ABCB8: variants seen among roughly 807,000 people sequenced by gnomAD.
The protein encoded by ABCB8 is ATP binding cassette subfamily B member 8.
ABCB8 carries 52 observed loss-of-function variants against 73.0 expected under a neutral mutation model. The observed-to-expected ratio is 0.71, with a 90% CI of 0.57 to 0.90. The LOEUF is 0.90. Ranked by LOEUF, ABCB8 falls within the 40% of genes least tolerant of loss-of-function variation. The probability of loss-of-function intolerance (pLI) is 0.00; values close to 1 mark genes in which losing one functional copy is unlikely to be tolerated. For synonymous variants in ABCB8, 428 were observed against 423.5 expected, an observed-to-expected ratio of 1.01 and a Z score of -0.13; for missense variants, 909 against 974.6, an observed-to-expected ratio of 0.93 and a Z score of 0.90.
rs566548745 is a variant in ABCB8, at chr7:151,031,972, A to G, written c.96-1633A>G. Reference sequence around the variant, plus strand: ...GGCACATCTCGGCCTAAAAATCACCATGACCCTTATTGCCCCCCAAGTCCA... The same window carrying G: ...GGCACATCTCGGCCTAAAAATCACCGTGACCCTTATTGCCCCCCAAGTCCA... On this transcript the variant is annotated intron_variant, in intron 1 of 15. Transcript: ENST00000358849. Among the ~76,000 whole-genome samples, 12 of 152,290 alleles carry G rather than the reference A, an allele frequency of 7.9e-5. No individual in the cohort carries two copies. The East Asian group carries it at 2.3e-3, about 29-fold the overall frequency.
intron 1 of ABCB8, among the ~76,000 whole-genome samples, chr7:151,032,688 T>C (rs1007540273): frequency 2.0e-5 from 3 of 147,988 alleles, no homozygotes; most frequent in African/African-American, 7.7e-5. Context: ...AGCGAGACTC[T>C]GTCTCAAAAA....
rs779810888 is a variant in ABCB8 at position 151,035,811 on chromosome 7, T to G, written c.927+69T>G. 3 of 1,609,906 alleles carry G rather than the reference T, an allele frequency of 1.9e-6. No individual in the cohort carries two copies. In the African/African-American group the frequency reaches 4.0e-5, roughly 21 times the overall value. On this transcript the variant is annotated intron_variant, in intron 6 of 15. Coordinates refer to ENST00000358849, the MANE Select transcript of ABCB8 (RefSeq NM_007188.5). ...TTCTCTTTCCACTCCCCGGAACTCC[T>G]CCCTGTCCCCATCCTGGACTCCTTG...
At chr7:151,044,536 G>A (rs1430145355) in intron 15 of ABCB8, among the ~76,000 whole-genome samples, 1 of 152,230 alleles carries the variant, frequency 6.6e-6, no homozygotes, top group Admixed American at 6.5e-5. Flanking sequence ...AGGATCTCTT[G>A]AGGCTAGCCT....
At chr7:151,044,779 T>C (rs964807787) in intron 15 of ABCB8, among the ~76,000 whole-genome samples, 17 of 152,150 alleles carry the variant, frequency 1.1e-4, no homozygotes, top group African/African-American at 3.6e-4. Flanking sequence ...AGTATGGTGC[T>C]GGGAGCAAGG....
intron 1 of ABCB8, chr7:151,032,786 A>G (rs1290305948): frequency 3.1e-6 from 1 of 324,808 alleles, no homozygotes; most frequent in Non-Finnish European, 6.2e-6. Context: ...TAATTGTCCT[A>G]TTCAAGATGA....
intron 1 of ABCB8, among the ~76,000 whole-genome samples, chr7:151,030,626 C>T (rs1255888523): frequency 2.7e-5 from 4 of 150,110 alleles, no homozygotes; most frequent in African/African-American, 9.8e-5. Flanking sequence ...AAGACCAGCC[C>T]GGCCAACATG....
In ABCB8 at chr7:151,031,489, A is replaced by T. The variant is rs1796161216; in HGVS notation, c.96-2116A>T. 4 of 609,744 alleles carry T rather than the reference A, an allele frequency of 6.6e-6. No individual in the cohort carries two copies. The South Asian group carries it at 1.2e-4, about 19-fold the overall frequency. 37.8% of individuals were successfully genotyped at this position (609,744 alleles called of 1,614,324 possible). On this transcript the variant is annotated intron_variant, in intron 1 of 15. Transcript: ENST00000358849. ...GAAAGGCCATGATGGTAAAGAGAAA[A>T]GCTCACACTACTCTTTTTTTAAACC...
intron 1 of ABCB8, chr7:151,031,227 T>C: frequency 6.8e-7 from 1 of 1,479,550 alleles, no homozygotes; most frequent in Non-Finnish European, 9.2e-7. Context: ...AAGATATAAT[T>C]TCCTGCCTTT....
In ABCB8 at chr7:151,034,773, C is replaced by T. The variant is rs767077016; in HGVS notation, c.709C>T (p.Arg237Cys). 7 of 1,614,098 alleles carry T rather than the reference C, an allele frequency of 4.3e-6. No individual in the cohort carries two copies. Among genetic ancestry groups the T allele is most frequent in the Admixed American group, 1.7e-5 (1 of 60,018 alleles). ...DANKTGQLVS[R>C]LTTDVQEFKS... is the part of the protein sequence containing the mutation. The stretch of plus-strand genomic sequence containing the variant: ...CAATAAGACAGGGCAGCTGGTGAGC[C>T]GCTTGACAACTGACGTGCAGGAGTT... The change falls in exon 5 of 16, where the codon CGC (arginine) becomes TGC (cysteine). Residue 237 changes from arginine to cysteine, a missense_variant. By Grantham distance (180) the Arg-to-Cys change is radical. Coordinates refer to ENST00000358849, the MANE Select transcript of ABCB8 (RefSeq NM_007188.5).
rs566019753 is a variant in ABCB8, at chr7:151,037,265, G to A, written c.1217+616G>A. The A allele has an allele frequency of 1.4e-4, 99 of 703,000 alleles. 1 individual carries two copies. The highest frequency in any genetic ancestry group is 9.2e-4 in the Middle Eastern group (4 of 4,366). The allele number at this position is 703,000 out of a possible 1,614,324, so 43.5% of individuals were successfully genotyped here. ...GCTTCCTCCGTGTTGCACCCTGTCC[G>A]AATTCCCTTCCGCTGCAGGCTGTGA... is the stretch of plus-strand genomic sequence containing the variant. On this transcript the variant is annotated intron_variant, in intron 9 of 15. Transcript: ENST00000358849.
At chr7:151,044,626 C>G (rs976905466) in intron 15 of ABCB8, among the ~76,000 whole-genome samples, 7 of 152,192 alleles carry the variant, frequency 4.6e-5, no homozygotes, top group Non-Finnish European at 1.0e-4. Context: ...CACCTGTACT[C>G]CCAGCTACTC....
At chr7:151,036,731 C>A in intron 9 of ABCB8, 82 bp downstream of exon 9, 1 of 1,238,658 alleles carries the variant, frequency 8.1e-7, no homozygotes, top group Non-Finnish European at 1.2e-6. Flanking sequence ...CGGGTGCCAG[C>A]CTTCTCTGGG....
chr7:151,044,047 G>A lies in ABCB8; in HGVS notation c.1842G>A (p.Thr614=), dbSNP rs144112099. 26 of 1,613,446 alleles carry A rather than the reference G, an allele frequency of 1.6e-5. No homozygotes were observed. Among genetic ancestry groups the A allele is most frequent in the East Asian group, 2.2e-5 (1 of 44,874 alleles). ...AIARALIKQP[T]VLILDEATSA... is the part of the protein sequence containing the mutation. ...CCCGAGCCCTTATCAAGCAGCCCAC[G>A]GTGCTGATACTGGATGAAGCTACCA... The change falls in exon 15 of 16, where the codon ACG becomes ACA. Residue 614 remains threonine, a synonymous_variant. Coordinates refer to ENST00000358849, the MANE Select transcript of ABCB8 (RefSeq NM_007188.5).
At position 151,034,837 on chromosome 7, in the gene ABCB8, G is replaced by A. The variant is rs781329280; in HGVS notation, c.765+8G>A. Reference sequence around the variant, plus strand: ...AAGCTTGTCATCTCCCAGGTCAGTGGCCCAGTGGCCCCCACCACGTCCACA... The same window carrying A: ...AAGCTTGTCATCTCCCAGGTCAGTGACCCAGTGGCCCCCACCACGTCCACA... On this transcript the variant is annotated splice_region_variant and intron_variant, in intron 5 of 15. Coordinates refer to ENST00000358849, the MANE Select transcript of ABCB8 (RefSeq NM_007188.5). 3 of 1,608,028 alleles carry A rather than the reference G, an allele frequency of 1.9e-6. No homozygotes were observed. In the South Asian group the frequency reaches 3.3e-5, roughly 18 times the overall value.
rs779562272 is a variant in ABCB8, at chr7:151,035,784, GT to G, written c.927+45del. 5 of 1,610,272 alleles carry G rather than the reference GT, an allele frequency of 3.1e-6. No homozygotes were observed. The Admixed American group carries it at 5.0e-5, about 16-fold the overall frequency. Reference sequence around the variant, plus strand: ...CCATCCTCTTCACCCTCCCCACACCGTTTCTCTTTCCACTCCCCGGAACTCC... The same window carrying G: ...CCATCCTCTTCACCCTCCCCACACCGTTCTCTTTCCACTCCCCGGAACTCC... On this transcript the variant is annotated intron_variant, in intron 6 of 15. Coordinates refer to ENST00000358849, the MANE Select transcript of ABCB8 (RefSeq NM_007188.5).
At chr7:151,043,156 C>G (rs1045696176) in intron 14 of ABCB8, among the ~76,000 whole-genome samples, 1 of 152,196 alleles carries the variant, frequency 6.6e-6, no homozygotes, top group South Asian at 2.1e-4. Context: ...CACAGAGACC[C>G]GGGAGGCTGG....
chr7:151,034,846 C>T lies in ABCB8; in HGVS notation c.765+17C>T. On this transcript the variant is annotated intron_variant, in intron 5 of 15. Transcript: ENST00000358849. ...ATCTCCCAGGTCAGTGGCCCAGTGG[C>T]CCCCACCACGTCCACACACACACTT... is the stretch of plus-strand genomic sequence containing the variant. The T allele has an allele frequency of 6.3e-7, 1 of 1,597,410 alleles. No homozygotes were observed.
chr7:151,032,060 G>T (rs1443196139), intron 1 of ABCB8, among the ~76,000 whole-genome samples: 3 of 152,060 alleles, frequency 2.0e-5, no homozygotes, highest in Middle Eastern at 3.2e-3. Context: ...TTCCCTTCTT[G>T]TAGGTCAGGC....
At position 151,047,214 on chromosome 7, in the gene ABCB8, C is replaced by T. The variant is rs931782856; in HGVS notation, c.*1865C>T. ...GCTTCTTTAAATCCAGCCCTTCACCCGCCCCCTAGAGAAGCAGTGAAACCC... is the reference window on the plus strand; with the variant it reads ...GCTTCTTTAAATCCAGCCCTTCACCTGCCCCCTAGAGAAGCAGTGAAACCC... On this transcript the variant is annotated 3_prime_UTR_variant, in exon 16 of 16. Coordinates refer to ENST00000358849, the MANE Select transcript of ABCB8 (RefSeq NM_007188.5). 8 of 152,238 alleles carry T rather than the reference C, an allele frequency of 5.3e-5. No homozygotes were observed. The highest frequency in any genetic ancestry group is 1.3e-4 in the Admixed American group (2 of 15,282). 9.4% of individuals were successfully genotyped at this position (152,238 alleles called of 1,614,324 possible). A position where few individuals can be genotyped will look rare whatever the true frequency, so the allele number is the denominator to read the frequency against.
Sources: allele counts gnomAD v4.1 joint callset (sites outside exome capture counted in the v4.1 genomes callset), GRCh38; gene constraint gnomAD v4.1.1; transcripts MANE v1.5; gene names NCBI Gene and HGNC (gene_info 2026-07-23, HGNC 2026-07-21).